Variants in PTPRK observed in about 807,000 individuals in gnomAD.
The protein encoded by PTPRK is protein tyrosine phosphatase receptor type K.
PTPRK carries 75 observed loss-of-function variants against 178.0 expected under a neutral mutation model. That is an observed-to-expected ratio of 0.42 (90% CI 0.35 to 0.51). The LOEUF (loss-of-function observed/expected upper bound fraction) is 0.51, where lower values mean the gene tolerates loss of function less well. Ranked by LOEUF, PTPRK falls within the 20% of genes least tolerant of loss-of-function variation. The pLI is 0.02. For missense variants in PTPRK, 1,441 were observed against 1,797.8 expected, an observed-to-expected ratio of 0.80 and a Z score of 3.59; for synonymous variants, 637 against 620.6, an observed-to-expected ratio of 1.03 and a Z score of -0.39.
intron 1 of PTPRK, among the ~76,000 whole-genome samples, chr6:128,469,044 A>G (rs1332434605): frequency 1.3e-5 from 2 of 152,102 alleles, no homozygotes; most frequent in Non-Finnish European, 1.5e-5. Flanking sequence ...TATTTAGGTG[A>G]TAGCAACGAT....
chr6:128,026,408 T>C (rs1774311267), intron 13 of PTPRK, among the ~76,000 whole-genome samples: 1 of 152,192 alleles, frequency 6.6e-6, no homozygotes, highest in Non-Finnish European at 1.5e-5. Context: ...AGGGTTGTAT[T>C]TGAAAGAGGG....
intron 13 of PTPRK, among the ~76,000 whole-genome samples, chr6:128,010,301 TGAAGCACC>T (rs1259002949): frequency 4.0e-5 from 6 of 151,234 alleles, no homozygotes; most frequent in Non-Finnish European, 8.9e-5. Flanking sequence ...GAAATTGCCT[TGAAGCACC>T]CAACACAGCA....
intron 5 of PTPRK, among the ~76,000 whole-genome samples, chr6:128,226,216 G>A (rs1811268313): frequency 1.3e-5 from 2 of 152,308 alleles, no homozygotes; most frequent in African/African-American, 4.8e-5. Flanking sequence ...TTGGGTATAT[G>A]TATTTGTACC....
intron 1 of PTPRK, among the ~76,000 whole-genome samples, chr6:128,498,600 T>A (rs1855081178): frequency 6.6e-6 from 1 of 152,220 alleles, no homozygotes. Context: ...AGTATGACAA[T>A]GTGCATAACT....
intron 7 of PTPRK, among the ~76,000 whole-genome samples, chr6:128,118,475 T>C (rs996660636): frequency 2.0e-5 from 3 of 152,290 alleles, no homozygotes; most frequent in African/African-American, 7.2e-5. Flanking sequence ...AAAGAAGTTT[T>C]CCCTTAACAA....
intron 3 of PTPRK, among the ~76,000 whole-genome samples, chr6:128,266,776 G>A (rs576697333): frequency 8.5e-5 from 13 of 152,166 alleles, no homozygotes; most frequent in African/African-American, 2.2e-4. Flanking sequence ...CTTTCAACTC[G>A]GAAGTTTTTG....
At chr6:128,031,299 C>T (rs1775289379) in intron 13 of PTPRK, among the ~76,000 whole-genome samples, 1 of 152,178 alleles carries the variant, frequency 6.6e-6, no homozygotes, top group South Asian at 2.1e-4. Context: ...CCCAGGTCAT[C>T]CGACACCAAG....
At chr6:127,998,614 A>G (rs1249440639) in intron 16 of PTPRK, 106 bp downstream of exon 16, 3 of 898,334 alleles carry the variant, frequency 3.3e-6, no homozygotes. Flanking sequence ...GAGAGCCTAT[A>G]GAACAATCCC....
chr6:128,046,842 A>G (rs1440396560), intron 13 of PTPRK, among the ~76,000 whole-genome samples: 1 of 152,196 alleles, frequency 6.6e-6, no homozygotes, highest in Admixed American at 6.5e-5. Flanking sequence ...TTCTAAACGC[A>G]TGGAGTACAA....
intron 1 of PTPRK, among the ~76,000 whole-genome samples, chr6:128,440,617 A>G (rs560034996): frequency 6.6e-6 from 1 of 152,296 alleles, no homozygotes; most frequent in East Asian, 1.9e-4. Context: ...GTGTGTATAT[A>G]TACAATCAAG....
chr6:128,032,151 G>A (rs1429525907), intron 13 of PTPRK, among the ~76,000 whole-genome samples: 1 of 152,098 alleles, frequency 6.6e-6, no homozygotes, highest in Non-Finnish European at 1.5e-5. Context: ...CTTGTACAAC[G>A]CAGACTCCTG....
intron 11 of PTPRK, among the ~76,000 whole-genome samples, chr6:128,069,301 G>A (rs1782397725): frequency 6.6e-6 from 1 of 152,160 alleles, no homozygotes. Context: ...AGCAAGCAAG[G>A]CAGAAGTCTA....
chr6:128,298,282 C>A (rs948244150), intron 3 of PTPRK, among the ~76,000 whole-genome samples: 2 of 152,018 alleles, frequency 1.3e-5, no homozygotes, highest in Admixed American at 1.3e-4. Flanking sequence ...GGATTCACAG[C>A]CGAATTCTAC....
At chr6:128,483,875 C>G (rs1026705214) in intron 1 of PTPRK, among the ~76,000 whole-genome samples, 1 of 152,152 alleles carries the variant, frequency 6.6e-6, no homozygotes, top group African/African-American at 2.4e-5. Context: ...CCATTGTCCT[C>G]TGGTGTGTAT....
intron 2 of PTPRK, among the ~76,000 whole-genome samples, chr6:128,350,247 A>G (rs944080286): frequency 6.6e-5 from 10 of 152,180 alleles, no homozygotes; most frequent in African/African-American, 2.2e-4. Context: ...ACAGCAAGGT[A>G]GAAAGTATTA....
intron 27 of PTPRK, among the ~76,000 whole-genome samples, chr6:127,975,917 G>A (rs368244431): frequency 2.0e-5 from 3 of 152,154 alleles, no homozygotes; most frequent in African/African-American, 4.8e-5. Context: ...TGATCTGCCC[G>A]CCTTGGCCTC....
At chr6:128,432,833 G>A (rs1891147) in intron 1 of PTPRK, among the ~76,000 whole-genome samples, 26,175 of 150,194 alleles carry the variant, frequency 0.17, 4,406 homozygotes, top group African/African-American at 0.45. Flanking sequence ...ATTTTTATTC[G>A]GTATTTTCAT....
chr6:128,093,371 A>C (rs1787318440), intron 7 of PTPRK, among the ~76,000 whole-genome samples: 1 of 152,066 alleles, frequency 6.6e-6, no homozygotes, highest in Non-Finnish European at 1.5e-5. Flanking sequence ...TGGTGGGCAG[A>C]TGGCCTGAGC....
At position 128,344,681 on chromosome 6, in the gene PTPRK, A is replaced by AT. The variant is rs367689390; in HGVS notation, c.224-22372dup. ...TAGGCACACACCATCAAACTGACAA[A>AT]TTTTTTTGTATTTTTGGAAAAGATG... On this transcript the variant is annotated intron_variant, in intron 2 of 29. Coordinates refer to ENST00000368226, the MANE Select transcript of PTPRK (RefSeq NM_002844.4). Among the ~76,000 whole-genome samples the AT allele has an allele frequency of 3.9e-3, 594 of 151,894 alleles. 4 individuals carry two copies. The highest frequency in any genetic ancestry group is 0.013 in the African/African-American group (552 of 41,400).
Sources: gnomAD v4.1 joint callset for allele counts (sites outside exome capture counted in the v4.1 genomes callset) on GRCh38, gnomAD v4.1.1 for gene constraint, MANE v1.5 for transcripts, NCBI Gene and HGNC (gene_info 2026-07-23, HGNC 2026-07-21) for gene names.